CNTN4: variants seen among roughly 807,000 people sequenced by gnomAD.
The protein encoded by CNTN4 is contactin-4.
A neutral mutation model predicts 122.5 loss-of-function variants in CNTN4; 77 were observed. The observed-to-expected ratio is 0.63, with a 90% CI of 0.52 to 0.76. The LOEUF (loss-of-function observed/expected upper bound fraction) is 0.76, where lower values mean the gene tolerates loss of function less well. Among genes scored for constraint, CNTN4 ranks in the 30% least tolerant of loss-of-function variants. The pLI, the probability that CNTN4 is intolerant of heterozygous loss-of-function variation, is 0.00. For synonymous variants in CNTN4, 512 were observed against 447.0 expected (o/e 1.15, Z -1.83); for missense variants, 1,256 against 1,259.1 (o/e 1.00, Z 0.04).
intron 2 of CNTN4, among the ~76,000 whole-genome samples, chr3:2,304,573 A>G (rs1307176177): frequency 6.6e-6 from 1 of 152,082 alleles, no homozygotes; most frequent in Non-Finnish European, 1.5e-5. Flanking sequence ...TGAGTTCACA[A>G]CATAATTTAG....
At chr3:2,739,370 A>G (rs2089323232) in intron 5 of CNTN4, among the ~76,000 whole-genome samples, 1 of 152,170 alleles carries the variant, frequency 6.6e-6, no homozygotes, top group African/African-American at 2.4e-5. Flanking sequence ...GATCCAGTGT[A>G]TATGATTATG....
intron 2 of CNTN4, among the ~76,000 whole-genome samples, chr3:2,216,434 A>G (rs2038844049): frequency 6.6e-6 from 1 of 152,138 alleles, no homozygotes; most frequent in African/African-American, 2.4e-5. Context: ...ACTATTAGGT[A>G]CTGGGCTTAA....
chr3:2,970,764 A>G (rs752582535), intron 13 of CNTN4, among the ~76,000 whole-genome samples: 33 of 151,958 alleles, frequency 2.2e-4, no homozygotes, highest in Non-Finnish European at 3.5e-4. Context: ...CATATTTTGT[A>G]TGTTATATGG....
chr3:2,763,274 C>A (rs1263602835), intron 6 of CNTN4, among the ~76,000 whole-genome samples: 1 of 152,124 alleles, frequency 6.6e-6, no homozygotes, highest in Non-Finnish European at 1.5e-5. Context: ...TGACTGTTGG[C>A]TGCATGTATG....
At chr3:2,659,469 AAAAAAAAAAAAAAG>A (rs1047908346) in intron 4 of CNTN4, among the ~76,000 whole-genome samples, 1 of 148,632 alleles carries the variant, frequency 6.7e-6, no homozygotes, top group African/African-American at 2.5e-5. Context: ...TCAAAAAAAA[AAAAAAAAAAAAAAG>A]AAGAAGAAGA....
intron 2 of CNTN4, among the ~76,000 whole-genome samples, chr3:2,258,839 G>A (rs2149731099): frequency 6.6e-6 from 1 of 152,154 alleles, no homozygotes; most frequent in African/African-American, 2.4e-5. Context: ...CCATTGAAAT[G>A]TAAGATTTAT....
intron 4 of CNTN4, among the ~76,000 whole-genome samples, chr3:2,590,643 C>T (rs951412660): frequency 6.6e-5 from 10 of 151,962 alleles, no homozygotes; most frequent in Middle Eastern, 3.2e-3. Context: ...CCTCTGAGCT[C>T]ACTAGAAATT....
At chr3:2,297,715 GTTTGT>G (rs1039380889) in intron 2 of CNTN4, among the ~76,000 whole-genome samples, 2 of 151,966 alleles carry the variant, frequency 1.3e-5, no homozygotes, top group East Asian at 1.9e-4. Flanking sequence ...TGTTTTGTTT[GTTTGT>G]TTTGTTTTGT....
At chr3:2,231,890 C>G (rs541959251) in intron 2 of CNTN4, among the ~76,000 whole-genome samples, 1 of 151,982 alleles carries the variant, frequency 6.6e-6, no homozygotes, top group East Asian at 1.9e-4. Context: ...TTTTCTTAGC[C>G]TTTTAGGTAT....
In CNTN4 at chr3:2,709,097, G is replaced by A. The variant is rs759741182; in HGVS notation, c.56-27118G>A. 6.6e-6 allele frequency among the ~76,000 whole-genome samples: 1 copy of A among 152,002 alleles called. No homozygotes were observed. Among genetic ancestry groups the A allele is most frequent in the African/African-American group, 2.4e-5 (1 of 41,352 alleles). The stretch of plus-strand genomic sequence containing the variant: ...TGCCACTGAATTTCATTTAGACCTC[G>A]GTGGCTGAGTTTTTAAGCTAGATCG... On this transcript the variant is annotated intron_variant, in intron 4 of 24. Transcript: ENST00000418658. The surrounding 1 kb of genome is among the most constrained non-coding windows in gnomAD (Gnocchi z 5.0).
At chr3:2,342,955 C>G (rs1666326) in intron 3 of CNTN4, among the ~76,000 whole-genome samples, 72,438 of 151,998 alleles carry the variant, frequency 0.48, 17,522 homozygotes, top group Admixed American at 0.52. Flanking sequence ...CTGACTGCTA[C>G]GATTTCTTTT....
intron 3 of CNTN4, among the ~76,000 whole-genome samples, chr3:2,513,891 G>T: frequency 6.6e-6 from 1 of 151,978 alleles, no homozygotes; most frequent in East Asian, 1.9e-4. Flanking sequence ...ATAACAATTT[G>T]GTCTTCAAAA....
At chr3:2,317,397 A>G (rs1315571147) in intron 2 of CNTN4, among the ~76,000 whole-genome samples, 1 of 152,114 alleles carries the variant, frequency 6.6e-6, no homozygotes, top group Non-Finnish European at 1.5e-5. Context: ...TAATAACCAA[A>G]ACACTCAGAA....
At chr3:2,675,593 G>A (rs578034483) in intron 4 of CNTN4, among the ~76,000 whole-genome samples, 1 of 152,284 alleles carries the variant, frequency 6.6e-6, no homozygotes, top group East Asian at 1.9e-4. Context: ...GGAAAAGACT[G>A]ATGGGCCACT....
At chr3:2,302,690 G>A (rs919157842) in intron 2 of CNTN4, among the ~76,000 whole-genome samples, 3 of 152,160 alleles carry the variant, frequency 2.0e-5, no homozygotes, top group Admixed American at 2.0e-4. Flanking sequence ...CATTGGAAAT[G>A]CATGAAGGAC....
chr3:2,362,383 C>G (rs2045191667), intron 3 of CNTN4: 3 of 334,880 alleles, frequency 9.0e-6, no homozygotes, highest in Admixed American at 4.0e-5. Flanking sequence ...GACCAAGGCC[C>G]AGCGGGCAAT....
chr3:2,928,021 A>G (rs971960220), intron 13 of CNTN4, among the ~76,000 whole-genome samples: 2 of 152,116 alleles, frequency 1.3e-5, no homozygotes, highest in South Asian at 2.1e-4. Context: ...GGTGTAGTAT[A>G]TAGGGGAATG....
At chr3:2,580,945 C>G (rs957316660) in intron 4 of CNTN4, among the ~76,000 whole-genome samples, 1 of 152,142 alleles carries the variant, frequency 6.6e-6, no homozygotes, top group African/African-American at 2.4e-5. Flanking sequence ...AGGTCCAAAG[C>G]CTGGGCTTTT....
At chr3:2,423,801 A>G (rs1208885875) in intron 3 of CNTN4, among the ~76,000 whole-genome samples, 1 of 151,856 alleles carries the variant, frequency 6.6e-6, no homozygotes, top group East Asian at 2.0e-4. Flanking sequence ...CCATACATAA[A>G]TTCTGTCAAG....
Sources: allele counts gnomAD v4.1 joint callset (sites outside exome capture counted in the v4.1 genomes callset), GRCh38; gene constraint gnomAD v4.1.1; non-coding constraint Gnocchi (gnomAD v3.1); transcripts MANE v1.5; gene names NCBI Gene and HGNC (gene_info 2026-07-23, HGNC 2026-07-21).